Variants in RANBP2 observed in about 807,000 individuals in gnomAD.
The protein encoded by RANBP2 is E3 SUMO-protein ligase RanBP2.
In RANBP2, 57 loss-of-function variants were observed where a neutral mutation model predicts 303.6. The observed-to-expected ratio is 0.19, with a 90% CI of 0.15 to 0.23. RANBP2 has a LOEUF of 0.23. Ranked by LOEUF, RANBP2 falls within the 10% of genes least tolerant of loss-of-function variation. RANBP2 has a pLI of 1.00. For missense variants in RANBP2, 3,138 were observed against 3,780.8 expected (o/e 0.83, Z 4.46); for synonymous variants, 1,167 against 1,301.5 (o/e 0.90, Z 2.23).
At chr2:109,635,434 C>T in the RANBP2 span, among the ~76,000 whole-genome samples, 5 of 152,316 alleles carry the variant, frequency 3.3e-5, no homozygotes, top group East Asian at 9.7e-4. Context: ...CTGCCCACCT[C>T]GGCCTCCCAA....
chr2:108,811,603 C>G, the RANBP2 span, among the ~76,000 whole-genome samples: 1 of 152,030 alleles, frequency 6.6e-6, no homozygotes, highest in Non-Finnish European at 1.5e-5. Context: ...CAAAAAGCCA[C>G]TTTTCATTTT....
the RANBP2 span, among the ~76,000 whole-genome samples, chr2:109,010,313 C>A: frequency 2.0e-5 from 3 of 148,120 alleles, no homozygotes; most frequent in African/African-American, 7.5e-5. Context: ...TCTTTAACTG[C>A]CCCACCCCCA....
At chr2:109,208,949 G>A in the RANBP2 span, among the ~76,000 whole-genome samples, 2 of 152,214 alleles carry the variant, frequency 1.3e-5, no homozygotes, top group Non-Finnish European at 2.9e-5. Flanking sequence ...TCAGACAGAG[G>A]TGTCTTTGGC....
the RANBP2 span, among the ~76,000 whole-genome samples, chr2:109,075,045 A>G: frequency 8.0e-6 from 1 of 125,026 alleles, no homozygotes; most frequent in Non-Finnish European, 1.8e-5. Context: ...AAAAAAAAAA[A>G]AAAAGAAGAA....
At chr2:109,097,463 CT>C in the RANBP2 span, among the ~76,000 whole-genome samples, 2 of 152,070 alleles carry the variant, frequency 1.3e-5, no homozygotes, top group East Asian at 3.9e-4. Context: ...AAAAAATCTG[CT>C]TATTCTAAGG....
At chr2:109,684,852 TATTAA>T in the RANBP2 span, among the ~76,000 whole-genome samples, 8 of 150,450 alleles carry the variant, frequency 5.3e-5, no homozygotes, top group East Asian at 5.9e-4. Flanking sequence ...ATATTTTTAA[TATTAA>T]ATTAAATTAA....
At chr2:108,914,307 A>G in the RANBP2 span, among the ~76,000 whole-genome samples, 1 of 152,158 alleles carries the variant, frequency 6.6e-6, no homozygotes, top group African/African-American at 2.4e-5. Flanking sequence ...ATCTGGAAAA[A>G]TAAGAACACA....
chr2:108,741,310 C>T (rs910265194), intron 7 of RANBP2, among the ~76,000 whole-genome samples: 2 of 151,838 alleles, frequency 1.3e-5, no homozygotes, highest in African/African-American at 4.8e-5. Flanking sequence ...GATTCTCCTG[C>T]CTCAGTCTCC....
the RANBP2 span, among the ~76,000 whole-genome samples, chr2:108,835,446 G>A: frequency 2.0e-5 from 3 of 152,122 alleles, no homozygotes; most frequent in Non-Finnish European, 4.4e-5. Flanking sequence ...ACTGTTGATG[G>A]TTAAGTCCCC....
the RANBP2 span, among the ~76,000 whole-genome samples, chr2:109,388,585 A>C: frequency 2.6e-5 from 4 of 152,230 alleles, no homozygotes; most frequent in Non-Finnish European, 4.4e-5. Context: ...TATACTCAAC[A>C]AACAGCCACT....
chr2:108,873,440 T>A, the RANBP2 span: 22 of 1,573,926 alleles, frequency 1.4e-5, no homozygotes, highest in East Asian at 4.7e-4. Flanking sequence ...CACTGTTGAT[T>A]TGTTTTGCAG....
intron 4 of RANBP2, among the ~76,000 whole-genome samples, chr2:108,732,538 C>T (rs1384781445): frequency 4.6e-5 from 7 of 152,132 alleles, no homozygotes; most frequent in Admixed American, 2.0e-4. Flanking sequence ...CTGTTTAACC[C>T]GACCAAAGCA....
At chr2:108,871,304 G>A in the RANBP2 span, among the ~76,000 whole-genome samples, 3 of 149,906 alleles carry the variant, frequency 2.0e-5, 1 homozygote, top group South Asian at 6.3e-4. Flanking sequence ...AGGCTGAGGT[G>A]GGCAGATCTC....
Position 108,753,890 on chromosome 2 carries a change from C to T in RANBP2, c.2121C>T (p.Cys707=). ...DALSPEEQEE[C]KNYLRKTRDY... ...TTTCTCCTGAAGAACAAGAAGAATG[C>T]AAAAATTATCTGAGAAAGACCAGGG... The change falls in exon 15 of 29, where the codon TGC becomes TGT. Residue 707 remains cysteine (C), a synonymous_variant. Coordinates refer to ENST00000283195, the MANE Select transcript of RANBP2 (RefSeq NM_006267.5). 1 of 1,611,932 alleles carries T rather than the reference C, an allele frequency of 6.2e-7. No homozygotes were observed. The highest frequency in any genetic ancestry group is 8.5e-7 in the Non-Finnish European group (1 of 1,179,844).
At chr2:109,398,778 A>G in the RANBP2 span, 1 of 1,613,664 alleles carries the variant, frequency 6.2e-7, no homozygotes. Flanking sequence ...ACACCAAGAA[A>G]CGCCACTCCT....
At chr2:108,919,405 C>T in the RANBP2 span, among the ~76,000 whole-genome samples, 1 of 152,114 alleles carries the variant, frequency 6.6e-6, no homozygotes, top group Non-Finnish European at 1.5e-5. Flanking sequence ...GTTGCCCAGG[C>T]TGGAGTGCAA....
chr2:109,551,202 G>A, the RANBP2 span, among the ~76,000 whole-genome samples: 1 of 152,074 alleles, frequency 6.6e-6, no homozygotes, highest in African/African-American at 2.4e-5. Flanking sequence ...TATTATCTAA[G>A]CACACATCAT....
the RANBP2 span, among the ~76,000 whole-genome samples, chr2:109,571,311 G>C: frequency 6.6e-6 from 1 of 152,158 alleles, no homozygotes. Flanking sequence ...ATAGAAATGC[G>C]ATAGAAATAT....
the RANBP2 span, among the ~76,000 whole-genome samples, chr2:109,225,613 G>T: frequency 6.6e-6 from 1 of 152,234 alleles, no homozygotes. Context: ...CATTTGCAAT[G>T]TCTTAAGTCA....
Sources: allele counts gnomAD v4.1 joint callset (sites outside exome capture counted in the v4.1 genomes callset), GRCh38; gene constraint gnomAD v4.1.1; transcripts MANE v1.5; gene names NCBI Gene and HGNC (gene_info 2026-07-23, HGNC 2026-07-21).